KCNMA1: variants seen among roughly 807,000 people sequenced by gnomAD.
KCNMA1 encodes the protein Calcium-activated potassium channel subunit alpha-1.
Under a neutral mutation model 140.0 loss-of-function variants are expected in KCNMA1, and 29 were observed. That is an observed-to-expected ratio of 0.21 (90% CI 0.15 to 0.28). The LOEUF (loss-of-function observed/expected upper bound fraction) is 0.28, where lower values mean the gene tolerates loss of function less well. KCNMA1 is among the 10% of genes least tolerant of loss of function. The probability of loss-of-function intolerance (pLI) is 1.00; values close to 1 mark genes in which losing one functional copy is unlikely to be tolerated. For missense variants in KCNMA1, 880 were observed against 1,602.2 expected (o/e 0.55, Z 7.70); for synonymous variants, 612 against 611.9 (o/e 1.00, Z 0.00).
At chr10:77,025,989 G>GAGAA (rs2093416270) in intron 16 of KCNMA1, among the ~76,000 whole-genome samples, 1 of 131,874 alleles carries the variant, frequency 7.6e-6, no homozygotes, top group African/African-American at 2.8e-5. Context: ...CTTTTCTGAA[G>GAGAA]AAAAAAAAAA....
At chr10:77,322,179 T>C (rs554112291) in intron 2 of KCNMA1, among the ~76,000 whole-genome samples, 38 of 152,166 alleles carry the variant, frequency 2.5e-4, no homozygotes, top group Non-Finnish European at 4.9e-4. Context: ...GGTAGAGGCA[T>C]TTTACTGACT....
At chr10:76,959,494 A>C (rs1464802313) in intron 20 of KCNMA1, among the ~76,000 whole-genome samples, 3 of 152,216 alleles carry the variant, frequency 2.0e-5, no homozygotes, top group African/African-American at 7.2e-5. Flanking sequence ...AATGGATTCC[A>C]TTTGAGGATT....
chr10:77,396,667 C>T (rs767488658), intron 2 of KCNMA1, among the ~76,000 whole-genome samples: 2 of 152,144 alleles, frequency 1.3e-5, no homozygotes, highest in African/African-American at 2.4e-5. Context: ...ATGTATATAA[C>T]GTTAATGTAA....
At chr10:77,080,734 C>T (rs1397626039) in intron 12 of KCNMA1, among the ~76,000 whole-genome samples, 1 of 152,090 alleles carries the variant, frequency 6.6e-6, no homozygotes, top group Non-Finnish European at 1.5e-5. Flanking sequence ...ATCATGGGGC[C>T]TCCAGAGGTT....
At chr10:77,428,530 G>A (rs2097077532) in intron 1 of KCNMA1, among the ~76,000 whole-genome samples, 1 of 152,168 alleles carries the variant, frequency 6.6e-6, no homozygotes, top group African/African-American at 2.4e-5. Context: ...CTAATAAGGA[G>A]TGTGTTTTGC....
chr10:77,060,398 ATCCTTCCATATTC>A (rs1441214212), intron 14 of KCNMA1, among the ~76,000 whole-genome samples: 8 of 152,166 alleles, frequency 5.3e-5, no homozygotes, highest in Admixed American at 3.3e-4. Context: ...ACCTCCTTTC[ATCCTTCCATATTC>A]TCCCTTTTGG....
intron 1 of KCNMA1, among the ~76,000 whole-genome samples, chr10:77,627,150 G>T: frequency 6.6e-6 from 1 of 152,224 alleles, no homozygotes; most frequent in South Asian, 2.1e-4. Flanking sequence ...TCTAAGAAGC[G>T]GCTGTATTCA....
chr10:77,204,401 G>C (rs2043410839), intron 3 of KCNMA1, among the ~76,000 whole-genome samples: 1 of 152,086 alleles, frequency 6.6e-6, no homozygotes, highest in African/African-American at 2.4e-5. Flanking sequence ...GTCTCCCCGA[G>C]GGCATTCAAT....
At chr10:77,001,879 C>CA (rs1193297230) in intron 18 of KCNMA1, among the ~76,000 whole-genome samples, 9 of 152,140 alleles carry the variant, frequency 5.9e-5, no homozygotes, top group Non-Finnish European at 1.2e-4. Context: ...CTCGGGTTCT[C>CA]AAATGGGAAG....
At chr10:77,144,732 C>G (rs986493610) in intron 5 of KCNMA1, among the ~76,000 whole-genome samples, 5 of 152,074 alleles carry the variant, frequency 3.3e-5, no homozygotes, top group African/African-American at 1.2e-4. Flanking sequence ...CTGCTGTAAC[C>G]CTGTAAATTC....
At chr10:77,091,702 A>G (rs998496614) in intron 9 of KCNMA1, 1 of 152,218 alleles carries the variant, frequency 6.6e-6, no homozygotes, top group African/African-American at 2.4e-5. Flanking sequence ...AAAATTTAGA[A>G]TGGCCATGTC....
At chr10:77,240,224 G>A (rs891453280) in intron 3 of KCNMA1, among the ~76,000 whole-genome samples, 1 of 152,204 alleles carries the variant, frequency 6.6e-6, no homozygotes, top group Non-Finnish European at 1.5e-5. Flanking sequence ...CAGAGTGTAT[G>A]TTTATGAGCT....
rs567532007 is a variant in KCNMA1, at chr10:77,577,418, C to G, written c.378+59847G>C. Among the ~76,000 whole-genome samples, 24 of 152,262 alleles carry G rather than the reference C, an allele frequency of 1.6e-4. 1 individual carries two copies. In the East Asian group the frequency reaches 4.3e-3, roughly 27 times the overall value. ...AACTGCCTAAAGATGAGGCACTTAA[C>G]TTGCCTCATCAAGGACCGGGAGAGA... On this transcript the variant is annotated intron_variant, in intron 1 of 27. Coordinates refer to ENST00000286628, the MANE Select transcript of KCNMA1 (RefSeq NM_001161352.2).
chr10:77,595,098 C>T (rs1307284997), intron 1 of KCNMA1, among the ~76,000 whole-genome samples: 1 of 152,194 alleles, frequency 6.6e-6, no homozygotes. Context: ...GTAATCCCAG[C>T]ACTTTGGGAG....
At chr10:77,393,730 T>C (rs1055722888) in intron 2 of KCNMA1, among the ~76,000 whole-genome samples, 6 of 152,248 alleles carry the variant, frequency 3.9e-5, no homozygotes, top group African/African-American at 1.2e-4. Flanking sequence ...CCCATCCTCC[T>C]TGTTTGTTCC....
intron 2 of KCNMA1, among the ~76,000 whole-genome samples, chr10:77,361,587 G>C (rs2093950981): frequency 6.6e-6 from 1 of 152,220 alleles, no homozygotes; most frequent in Non-Finnish European, 1.5e-5. Context: ...TGCACGAAAG[G>C]AGTTTCCGCC....
intron 3 of KCNMA1, among the ~76,000 whole-genome samples, chr10:77,199,863 G>A (rs916427808): frequency 1.1e-4 from 17 of 152,130 alleles, no homozygotes; most frequent in East Asian, 5.8e-4. Flanking sequence ...GACAGGAGAC[G>A]GTGAAGCATC....
At chr10:77,258,963 A>T (rs1362569813) in intron 2 of KCNMA1, among the ~76,000 whole-genome samples, 1 of 106,472 alleles carries the variant, frequency 9.4e-6, no homozygotes, top group Non-Finnish European at 2.3e-5. Flanking sequence ...ACTCTGTCTC[A>T]AAAAAATATA....
At chr10:77,430,960 T>C (rs1049242248) in intron 1 of KCNMA1, among the ~76,000 whole-genome samples, 9 of 152,194 alleles carry the variant, frequency 5.9e-5, no homozygotes, top group African/African-American at 2.2e-4. Flanking sequence ...CCCAATCCTC[T>C]CTGTCCTCTT....
Sources: gnomAD v4.1 joint callset for allele counts (sites outside exome capture counted in the v4.1 genomes callset) on GRCh38, gnomAD v4.1.1 for gene constraint, MANE v1.5 for transcripts, NCBI Gene and HGNC (gene_info 2026-07-23, HGNC 2026-07-21) for gene names.